The following PI4KA variants were observed in gnomAD, a reference collection of about 807,000 sequenced individuals.
PI4KA encodes the protein PI4-kinase alpha.
Under a neutral mutation model 271.4 loss-of-function variants are expected in PI4KA, and 122 were observed. That is an observed-to-expected ratio of 0.45 (90% confidence interval 0.39 to 0.52). The LOEUF is 0.52. Among genes scored for constraint, PI4KA ranks in the 20% least tolerant of loss-of-function variants. The pLI is 0.00. For missense variants in PI4KA, 1,969 were observed against 2,769.1 expected, an observed-to-expected ratio of 0.71 and a Z score of 6.48; for synonymous variants, 1,041 against 1,078.8, an observed-to-expected ratio of 0.96 and a Z score of 0.69.
chr22:20,788,812 CTCT>C (rs931564066), intron 19 of PI4KA, among the ~76,000 whole-genome samples: 1 of 152,236 alleles, frequency 6.6e-6, no homozygotes, highest in Non-Finnish European at 1.5e-5. Context: ...TGCTTCACCA[CTCT>C]TCTTTTCTGG....
At chr22:20,826,682 T>C (rs375912851) in intron 3 of PI4KA, among the ~76,000 whole-genome samples, 10 of 152,360 alleles carry the variant, frequency 6.6e-5, no homozygotes, top group African/African-American at 2.2e-4. Flanking sequence ...TGTGTAAGTG[T>C]TCCCTTTTCT....
chr22:20,774,292 G>T (rs1462473145), intron 19 of PI4KA: 2 of 152,192 alleles, frequency 1.3e-5, no homozygotes, highest in African/African-American at 4.8e-5. Context: ...TTTTCAGTGT[G>T]CCTATTATAA....
chr22:20,793,137 C>T lies in PI4KA; in HGVS notation c.2328+56G>A, dbSNP rs373083925. 8.6e-6 allele frequency: 9 copies of T among 1,048,118 alleles called. No homozygotes were observed. The Admixed American group carries it at 1.4e-4, about 16-fold the overall frequency. The allele number at this position is 1,048,118 out of a possible 1,614,324, so 64.9% of individuals were successfully genotyped here. ...ATTTACTGTGCGTCACCAGGCAACA[C>T]TTAAAGCATGAACACAGTATCTGCA... On this transcript the variant is annotated intron_variant, in intron 19 of 54. Coordinates refer to ENST00000255882, the MANE Select transcript of PI4KA (RefSeq NM_058004.4).
At position 20,819,832 on chromosome 22, in the gene PI4KA, T is replaced by C. The variant is rs142981958; in HGVS notation, c.598A>G (p.Met200Val). ...AGCTTTGAGAGGAGAGACTCTTCCA[T>C]GTTGCTGTAACGCCCAAATGCTCGC... ...ISRAFGRYSN[M>V]EESLLSKLFP... Residue 200 changes from methionine (M) to valine (V), a missense_variant, in exon 6 of 55, where the codon ATG becomes GTG. This residue lies in a region of PI4KA where 540 missense variants were observed against 555.5 expected (regional missense o/e 0.97). Transcript: ENST00000255882. 6.2e-6 allele frequency: 10 copies of C among 1,613,990 alleles called. No individual in the cohort carries two copies. Among genetic ancestry groups the C allele is most frequent in the African/African-American group, 1.3e-5 (1 of 75,026 alleles).
intron 19 of PI4KA, among the ~76,000 whole-genome samples, chr22:20,777,246 C>T (rs1256808656): frequency 4.1e-5 from 6 of 147,642 alleles, no homozygotes; most frequent in African/African-American, 1.0e-4. Flanking sequence ...GACGGAGTTT[C>T]GCTCTTTTTG....
chr22:20,758,984 T>C (rs929213989), intron 23 of PI4KA, among the ~76,000 whole-genome samples: 1 of 152,186 alleles, frequency 6.6e-6, no homozygotes, highest in Admixed American at 6.5e-5. Context: ...TGTGAAGTGC[T>C]CCACAAAGGA....
intron 6 of PI4KA, 126 bp from the exon 7 acceptor site, chr22:20,818,675 C>A: frequency 1.6e-6 from 1 of 609,738 alleles, no homozygotes; most frequent in East Asian, 3.3e-5. Context: ...AGCCTCATTT[C>A]CTTCCTAAAG....
At chr22:20,710,224 C>T in intron 52 of PI4KA, 1 of 599,880 alleles carries the variant, frequency 1.7e-6, no homozygotes, top group Non-Finnish European at 3.1e-6. Context: ...GGCTGAGTGT[C>T]CTGCCCTGTC....
intron 1 of PI4KA, among the ~76,000 whole-genome samples, chr22:20,847,764 A>AC (rs1555910285): frequency 6.6e-6 from 1 of 151,942 alleles, no homozygotes; most frequent in African/African-American, 2.4e-5. Flanking sequence ...CAAAAAAAAA[A>AC]ACAAAAAAAA....
chr22:20,786,867 C>A (rs936049285), intron 19 of PI4KA: 3 of 1,614,004 alleles, frequency 1.9e-6, no homozygotes, highest in Non-Finnish European at 2.5e-6. Flanking sequence ...ACTTTCCTTT[C>A]CAAACAGTTC....
chr22:20,724,397 G>A (rs894617887), intron 42 of PI4KA, among the ~76,000 whole-genome samples: 1 of 151,716 alleles, frequency 6.6e-6, no homozygotes, highest in South Asian at 2.1e-4. Context: ...CCTGAGGTCA[G>A]GAGTTTTGAG....
chr22:20,729,365 C>T lies in PI4KA; in HGVS notation c.4630G>A (p.Val1544Met), dbSNP rs201391035. The T allele has an allele frequency of 9.9e-6, 16 of 1,614,014 alleles. No individual in the cohort carries two copies. Among genetic ancestry groups the T allele is most frequent in the Non-Finnish European group, 1.2e-5 (14 of 1,180,020 alleles). Residue 1544 changes from valine (V) to methionine (M), a missense_variant, in exon 39 of 55, where the codon GTG (valine) becomes ATG (methionine). By Grantham distance (21) the Val-to-Met change is conservative. Around this residue, in one of 13 missense-constraint regions of PI4KA, gnomAD observed 388 missense variants for 521.5 expected, o/e 0.74. Coordinates refer to ENST00000255882, the MANE Select transcript of PI4KA (RefSeq NM_058004.4). ...SLSEKQWKDN[V>M]NLAWSISPYL... ...GGAGAGATGCTCCAGGCGAGGTTCA[C>T]GTTGTCCTTCCACTGCTTCTCACTC...
Position 20,732,952 on chromosome 22 carries a change from C to T in PI4KA, c.4288+19G>A. 6.2e-7 allele frequency: 1 copy of T among 1,611,166 alleles called. No individual in the cohort carries two copies. The highest frequency in any genetic ancestry group is 8.5e-7 in the Non-Finnish European group (1 of 1,179,104). On this transcript the variant is annotated intron_variant, in intron 36 of 54. Transcript: ENST00000255882. ...TCCTGCCTGCCTCCACCATGAGCAG[C>T]TGCACTGTTGAGGGTTACCTGGGGG...
At chr22:20,797,464 G>GCTT (rs1935052117) in intron 17 of PI4KA, among the ~76,000 whole-genome samples, 1 of 152,120 alleles carries the variant, frequency 6.6e-6, no homozygotes, top group South Asian at 2.1e-4. Context: ...CAATGTGTTG[G>GCTT]CCTGTGTGCA....
intron 13 of PI4KA, among the ~76,000 whole-genome samples, chr22:20,802,653 A>G (rs910672496): frequency 6.6e-6 from 1 of 152,170 alleles, no homozygotes; most frequent in Non-Finnish European, 1.5e-5. Context: ...CTACAACTTC[A>G]GCCTCCTGAG....
chr22:20,782,357 C>T (rs934352122), intron 19 of PI4KA, among the ~76,000 whole-genome samples: 3 of 152,174 alleles, frequency 2.0e-5, no homozygotes, highest in Non-Finnish European at 1.5e-5. Flanking sequence ...CTTCCTTTCC[C>T]CATCATGAGA....
intron 1 of PI4KA, among the ~76,000 whole-genome samples, chr22:20,849,256 A>G (rs1926658146): frequency 6.6e-6 from 1 of 152,234 alleles, no homozygotes; most frequent in Non-Finnish European, 1.5e-5. Context: ...GGGAATGTAA[A>G]TGGTGTAGTA....
At position 20,707,994 on chromosome 22, in the gene PI4KA, T is replaced by C. The variant is rs1453251772; in HGVS notation, c.*53A>G. 2 of 1,456,702 alleles carry C rather than the reference T, an allele frequency of 1.4e-6. No individual in the cohort carries two copies. Among genetic ancestry groups the C allele is most frequent in the African/African-American group, 1.4e-5 (1 of 71,800 alleles). The allele number at this position is 1,456,702 out of a possible 1,614,324, so 90.2% of individuals were successfully genotyped here. A position where few individuals can be genotyped will look rare whatever the true frequency, so the allele number is the denominator to read the frequency against. ...GCAGGGAGGTCGCAGGGCTCCATGATTGTGGGACAGCTTTGAGGGCACATG... is the reference window on the plus strand; with the variant it reads ...GCAGGGAGGTCGCAGGGCTCCATGACTGTGGGACAGCTTTGAGGGCACATG... On this transcript the variant is annotated 3_prime_UTR_variant, in exon 55 of 55. Transcript: ENST00000255882.
chr22:20,727,915 C>G (rs1037049197), intron 39 of PI4KA, 51 bp from the exon 40 acceptor site: 3 of 1,387,196 alleles, frequency 2.2e-6, no homozygotes, highest in African/African-American at 2.8e-5. Context: ...GGAACCTGCA[C>G]TCTCCCACCA....
Sources: gnomAD v4.1 joint callset for allele counts (sites outside exome capture counted in the v4.1 genomes callset) on GRCh38, gnomAD v4.1.1 for gene constraint, gnomAD v4.1.1 regional missense constraint, MANE v1.5 for transcripts, NCBI Gene and HGNC (gene_info 2026-07-23, HGNC 2026-07-21) for gene names.